TGFB1: variants seen among roughly 807,000 people sequenced by gnomAD.
TGFB1 encodes the protein transforming growth factor beta 1.
A neutral mutation model predicts 43.8 loss-of-function variants in TGFB1; 19 were observed. The observed-to-expected ratio is 0.43, with a 90% CI of 0.30 to 0.64. The LOEUF (loss-of-function observed/expected upper bound fraction) is 0.64. TGFB1 is among the 30% of genes least tolerant of loss of function. TGFB1 has a pLI of 0.11. For missense variants in TGFB1, 445 were observed against 529.8 expected, an observed-to-expected ratio of 0.84 and a Z score of 1.57; for synonymous variants, 221 against 236.3, an observed-to-expected ratio of 0.94 and a Z score of 0.60.
At chr19:41,333,181 CT>C (rs1384830545) in intron 5 of TGFB1, among the ~76,000 whole-genome samples, 1 of 150,510 alleles carries the variant, frequency 6.6e-6, no homozygotes, top group Non-Finnish European at 1.5e-5. Context: ...CAGCTTGTTC[CT>C]TCACTTCATT....
intron 3 of TGFB1, among the ~76,000 whole-genome samples, chr19:41,343,449 T>A (rs983821015): frequency 2.6e-5 from 4 of 152,114 alleles, no homozygotes; most frequent in African/African-American, 9.7e-5. Flanking sequence ...ATCCCTTTTT[T>A]TTCATGTGGC....
rs201981750 is a variant in TGFB1 at position 41,335,189 on chromosome 19, A to G, written c.861-2908T>C. On this transcript the variant is annotated intron_variant, in intron 5 of 6. Coordinates refer to ENST00000221930, the MANE Select transcript of TGFB1 (RefSeq NM_000660.7). ...TGCCTCAGCCTCTCAAGTACCTGGG[A>G]TTACAGGCATGTGCCACCATGCCTG... 1.6e-4 allele frequency among the ~76,000 whole-genome samples: 25 copies of G among 151,652 alleles called. No homozygotes were observed. In the East Asian group the frequency reaches 4.7e-3, roughly 28 times the overall value.
chr19:41,352,267 C>A (rs960849228), intron 1 of TGFB1, among the ~76,000 whole-genome samples: 2 of 152,004 alleles, frequency 1.3e-5, no homozygotes, highest in Admixed American at 6.6e-5. Flanking sequence ...CTTTCTCCAG[C>A]GCCTCTCCTT....
chr19:41,352,932 A>C lies in TGFB1; in HGVS notation c.113T>G (p.Met38Arg). Reference protein sequence around the residue: ...AGLSTCKTIDMELVKRKRIEA... With the variant: ...AGLSTCKTIDRELVKRKRIEA... ...GATGCGCTTCCGCTTCACCAGCTCC[A>C]TGTCGATAGTCTTGCAGGTGGATAG... The change falls in exon 1 of 7, where the codon ATG becomes AGG. Residue 38 changes from methionine (M) to arginine (R), a missense_variant. Physicochemically the swap from Met to Arg is moderately conservative, Grantham distance 91. Coordinates refer to ENST00000221930, the MANE Select transcript of TGFB1 (RefSeq NM_000660.7). The C allele has an allele frequency of 6.4e-7, 1 of 1,555,564 alleles. No homozygotes were observed. Among genetic ancestry groups the C allele is most frequent in the Non-Finnish European group, 8.7e-7 (1 of 1,151,828 alleles).
intron 6 of TGFB1, 21 bp from the exon 7 acceptor site, chr19:41,331,231 C>A: frequency 2.0e-6 from 3 of 1,491,702 alleles, no homozygotes; most frequent in East Asian, 5.1e-5. Context: ...CGGGCGGGGT[C>A]AGGGCTCAGG....
rs997476787 is a variant in TGFB1, at chr19:41,353,163, A to G, written c.-119T>C. 13 of 1,287,612 alleles carry G rather than the reference A, an allele frequency of 1.0e-5. No homozygotes were observed. Among genetic ancestry groups the G allele is most frequent in the African/African-American group, 9.3e-5 (6 of 64,616 alleles). 79.8% of individuals were successfully genotyped at this position (1,287,612 alleles called of 1,614,324 possible). On this transcript the variant is annotated 5_prime_UTR_variant, in exon 1 of 7. Transcript: ENST00000221930. This position sits in a 1 kb window ranked among gnomAD's most constrained non-coding sequence, Gnocchi z 5.9. Reference sequence around the variant, plus strand: ...CAAAAGGTAGGAGGGCCTCGAGGGAAAGCTGAGGTCCTCAGGGAGAAGGGC... The same window carrying G: ...CAAAAGGTAGGAGGGCCTCGAGGGAGAGCTGAGGTCCTCAGGGAGAAGGGC...
intron 3 of TGFB1, among the ~76,000 whole-genome samples, chr19:41,344,211 C>A (rs2038090638): frequency 6.6e-6 from 1 of 151,332 alleles, no homozygotes. Context: ...CTCAAAACTC[C>A]TGAGCTCCAG....
At position 41,348,769 on chromosome 19, in the gene TGFB1, T is replaced by A. The variant is rs6508976; in HGVS notation, c.356-314A>T. ...CTCCCGAGCAGCTGGGACTAAAGGC[T>A]CATGCCACCATGCCCAGCTAATTTT... On this transcript the variant is annotated intron_variant, in intron 1 of 6. Transcript: ENST00000221930. Among the ~76,000 whole-genome samples, 9,553 of 151,416 alleles carry A rather than the reference T, an allele frequency of 0.063. 357 individuals carry two copies. The highest frequency in any genetic ancestry group is 0.077 in the Non-Finnish European group (5,243 of 67,786).
In TGFB1 at chr19:41,331,042, G is replaced by C. The variant is rs1248737722; in HGVS notation, c.*10C>G. On this transcript the variant is annotated 3_prime_UTR_variant, in exon 7 of 7. Coordinates refer to ENST00000221930, the MANE Select transcript of TGFB1 (RefSeq NM_000660.7). ...GGGCCTGCCGGGGCGGGGCGGGGCG[G>C]GGCGGGACCTCAGCTGCACTTGCAG... The C allele has an allele frequency of 6.5e-7, 1 of 1,538,974 alleles. No homozygotes were observed. The highest frequency in any genetic ancestry group is 2.4e-5 in the East Asian group (1 of 41,060).
chr19:41,349,416 C>T (rs931603214), intron 1 of TGFB1, among the ~76,000 whole-genome samples: 7 of 152,174 alleles, frequency 4.6e-5, no homozygotes, highest in African/African-American at 1.4e-4. Context: ...CAGGTCAAGC[C>T]ATGTGGCACC....
chr19:41,346,538 G>A (rs2038118005), intron 2 of TGFB1, among the ~76,000 whole-genome samples: 1 of 152,136 alleles, frequency 6.6e-6, no homozygotes, highest in African/African-American at 2.4e-5. Context: ...CTAGCTCATA[G>A]AAACTGCTAG....
rs546804363 is a variant in TGFB1, at chr19:41,351,622, C to A, written c.355+1068G>T. On this transcript the variant is annotated intron_variant, in intron 1 of 6. Transcript: ENST00000221930. Reference sequence around the variant, plus strand: ...TCCAGACTGCCAGCGTTTAGCGCAGCGGGGTCCTCCTGCCCCTTGGTGGAA... The same window carrying A: ...TCCAGACTGCCAGCGTTTAGCGCAGAGGGGTCCTCCTGCCCCTTGGTGGAA... 2.0e-5 allele frequency among the ~76,000 whole-genome samples: 3 copies of A among 152,288 alleles called. No homozygotes were observed. The East Asian group carries it at 5.8e-4, about 29-fold the overall frequency.
chr19:41,339,650 C>T (rs77583598), intron 5 of TGFB1, among the ~76,000 whole-genome samples: 1 of 151,570 alleles, frequency 6.6e-6, no homozygotes, highest in African/African-American at 2.4e-5. Flanking sequence ...TGGTGAAACC[C>T]AGTGTCTACT....
At chr19:41,338,301 C>T (rs1054632299) in intron 5 of TGFB1, among the ~76,000 whole-genome samples, 1 of 151,894 alleles carries the variant, frequency 6.6e-6, no homozygotes, top group African/African-American at 2.4e-5. Context: ...CAAGACCAGC[C>T]TGGCCAACAT....
chr19:41,353,764 TCCGCTCCGGGCCGAGGCCGGCCCCGCGGG>T lies in TGFB1; in HGVS notation c.-749_-721del, dbSNP rs1196818367. The T allele has an allele frequency of 1.3e-5, 2 of 150,954 alleles. No individual in the cohort carries two copies. The highest frequency in any genetic ancestry group is 2.9e-5 in the Non-Finnish European group (2 of 68,008). 9.4% of individuals were successfully genotyped at this position (150,954 alleles called of 1,614,324 possible). A position where few individuals can be genotyped will look rare whatever the true frequency, so the allele number is the denominator to read the frequency against. On this transcript the variant is annotated 5_prime_UTR_variant, in exon 1 of 7. Coordinates refer to ENST00000221930, the MANE Select transcript of TGFB1 (RefSeq NM_000660.7). This position sits in a 1 kb window ranked among gnomAD's most constrained non-coding sequence, Gnocchi z 5.9. ...AGGCTGCTCCTCGGCGACTCCTTCC[TCCGCTCCGGGCCGAGGCCGGCCCCGCGGG>T]CGGCTCAGAGCCGGGGGGGTGCCCC...
chr19:41,351,450 G>A (rs939046354), intron 1 of TGFB1, among the ~76,000 whole-genome samples: 1 of 152,208 alleles, frequency 6.6e-6, no homozygotes, highest in African/African-American at 2.4e-5. Flanking sequence ...AGGAGGGCGG[G>A]GACCAGACCT....
chr19:41,342,349 TC>T, intron 3 of TGFB1, 102 bp from the exon 4 acceptor site: 2 of 991,976 alleles, frequency 2.0e-6, no homozygotes, highest in Non-Finnish European at 1.5e-6. Context: ...CCTTCCTGCC[TC>T]CCCCACCCAC....
chr19:41,339,020 A>C (rs1230481348), intron 5 of TGFB1, among the ~76,000 whole-genome samples: 1 of 151,784 alleles, frequency 6.6e-6, no homozygotes, highest in African/African-American at 2.4e-5. Flanking sequence ...TTGATGAAGA[A>C]ACTGGGTGAG....
Position 41,353,667 on chromosome 19 carries a change from C to T in TGFB1, c.-623G>A. On this transcript the variant is annotated 5_prime_UTR_variant, in exon 1 of 7. Coordinates refer to ENST00000221930, the MANE Select transcript of TGFB1 (RefSeq NM_000660.7). This position sits in a 1 kb window ranked among gnomAD's most constrained non-coding sequence, Gnocchi z 5.9. ...TCTTCTCCCGACCAGCTCGTCCCTC[C>T]TCCCGCTCCTCCTCCCCCTCCTCCC... The T allele has an allele frequency of 6.5e-6, 1 of 153,444 alleles. No individual in the cohort carries two copies. The highest frequency in any genetic ancestry group is 1.5e-5 in the Non-Finnish European group (1 of 68,922). 9.5% of individuals were successfully genotyped at this position (153,444 alleles called of 1,614,324 possible).
Sources: allele counts gnomAD v4.1 joint callset (sites outside exome capture counted in the v4.1 genomes callset), GRCh38; gene constraint gnomAD v4.1.1; non-coding constraint Gnocchi (gnomAD v3.1); transcripts MANE v1.5; gene names NCBI Gene and HGNC (gene_info 2026-07-23, HGNC 2026-07-21).